GOLGA6C: variants seen among roughly 807,000 people sequenced by gnomAD.
GOLGA6C encodes the protein golgin subfamily A member 6C.
Under a neutral mutation model 57.5 loss-of-function variants are expected in GOLGA6C, and 3 were observed. That is an observed-to-expected ratio of 0.05 (90% CI 0.02 to 0.13). GOLGA6C has a LOEUF of 0.13. Among genes scored for constraint, GOLGA6C ranks in the 10% least tolerant of loss-of-function variants. GOLGA6C has a pLI of 1.00. For missense variants in GOLGA6C, 88 were observed against 525.6 expected, an observed-to-expected ratio of 0.17 and a Z score of 8.14; for synonymous variants, 32 against 203.8, an observed-to-expected ratio of 0.16 and a Z score of 7.18.
Position 75,270,253 on chromosome 15 carries a change from C to T in GOLGA6C, c.*54C>T, listed in dbSNP as rs1463523458. ...GCGTGCCATTCTTCTACCAGGCAGC[C>T]GAGAACAGGGAGATAAACATCATCA... On this transcript the variant is annotated 3_prime_UTR_variant, in exon 18 of 18. Transcript: ENST00000300576. The T allele has an allele frequency of 1.0e-5, 16 of 1,570,936 alleles. 1 individual carries two copies. The highest frequency in any genetic ancestry group is 5.8e-5 in the African/African-American group (4 of 68,480).
chr15:75,273,365 A>T lies in GOLGA6C; in HGVS notation c.*3166A>T, dbSNP rs538652845. Among the ~76,000 whole-genome samples, 4 of 152,126 alleles carry T rather than the reference A, an allele frequency of 2.6e-5. No homozygotes were observed. The highest frequency in any genetic ancestry group is 4.8e-5 in the African/African-American group (2 of 41,396). On this transcript the variant is annotated 3_prime_UTR_variant, in exon 18 of 18. Transcript: ENST00000300576. Reference sequence around the variant, plus strand: ...TCTTGTAAACAGAATGTATAATAGAAATACTGAAACACTGTTGCCTAAAGT... The same window carrying T: ...TCTTGTAAACAGAATGTATAATAGATATACTGAAACACTGTTGCCTAAAGT...
chr15:75,259,238 C>A (rs2070723864), intron 1 of GOLGA6C, among the ~76,000 whole-genome samples: 1 of 148,034 alleles, frequency 6.8e-6, no homozygotes, highest in South Asian at 2.1e-4. Context: ...TTTCCCCCAC[C>A]CCCAGGAGGA....
chr15:75,269,215 C>G (rs2415193), intron 14 of GOLGA6C, among the ~76,000 whole-genome samples: 1 of 144,208 alleles, frequency 6.9e-6, no homozygotes, highest in Non-Finnish European at 1.5e-5. Context: ...GCGGAAGGTG[C>G]GAAGGCTGTG....
In GOLGA6C at chr15:75,265,157, G is replaced by A. The variant is rs1365351948; in HGVS notation, c.600G>A (p.Arg200=). ...GCAGAGAAGCGGTCCTCCAGCGGCG[G>A]TTACAGCAGACCATAAAGGAGCGGG... ...SSCREAVLQR[R]LQQTIKERAL... The change falls in exon 8 of 18, where the codon CGG becomes CGA. Residue 200 remains arginine, a synonymous_variant. Coordinates refer to ENST00000300576, the MANE Select transcript of GOLGA6C (RefSeq NM_001164404.2). 2.5e-6 allele frequency: 4 copies of A among 1,600,358 alleles called. No homozygotes were observed. The East Asian group carries it at 9.0e-5, about 36-fold the overall frequency.
At position 75,272,996 on chromosome 15, in the gene GOLGA6C, T is replaced by C. The variant is rs1234672557; in HGVS notation, c.*2797T>C. 7.2e-5 allele frequency among the ~76,000 whole-genome samples: 11 copies of C among 152,026 alleles called. No individual in the cohort carries two copies. Among genetic ancestry groups the C allele is most frequent in the African/African-American group, 2.7e-4 (11 of 41,252 alleles). ...ATTTAAAGATTGCAATATATAATCA[T>C]TTTTAAAGTATTTGTTTAACCTGAT... On this transcript the variant is annotated 3_prime_UTR_variant, in exon 18 of 18. Transcript: ENST00000300576.
chr15:75,259,121 C>T lies in GOLGA6C; in HGVS notation c.84+439C>T, dbSNP rs1438076979. Reference sequence around the variant, plus strand: ...CTCTCCCCTCCTGCTGACCCAAGCCCGACCTCCCTGGGCTCTCTGGGCTGG... The same window carrying T: ...CTCTCCCCTCCTGCTGACCCAAGCCTGACCTCCCTGGGCTCTCTGGGCTGG... On this transcript the variant is annotated intron_variant, in intron 1 of 17. Transcript: ENST00000300576. 2.3e-4 allele frequency among the ~76,000 whole-genome samples: 35 copies of T among 152,034 alleles called. 2 individuals carry two copies. Among genetic ancestry groups the T allele is most frequent in the African/African-American group, 7.5e-4 (31 of 41,232 alleles).
Position 75,273,327 on chromosome 15 carries a change from C to A in GOLGA6C, c.*3128C>A, listed in dbSNP as rs1476194344. On this transcript the variant is annotated 3_prime_UTR_variant, in exon 18 of 18. Transcript: ENST00000300576. ...CCAAGTTTTCTTAGAATGACTTTTA[C>A]CAGTTTATGAATTCTTGTAAACAGA... Among the ~76,000 whole-genome samples, 1 of 151,840 alleles carries A rather than the reference C, an allele frequency of 6.6e-6. No individual in the cohort carries two copies. The highest frequency in any genetic ancestry group is 1.9e-4 in the East Asian group (1 of 5,192).
intron 1 of GOLGA6C, among the ~76,000 whole-genome samples, chr15:75,259,103 C>T (rs1350174157): frequency 3.3e-5 from 5 of 151,876 alleles, no homozygotes; most frequent in African/African-American, 1.2e-4. Flanking sequence ...CTGCTCTCCC[C>T]TCCTGCTGAC....
chr15:75,270,233 C>T lies in GOLGA6C; in HGVS notation c.*34C>T, dbSNP rs2070782980. The T allele has an allele frequency of 6.3e-7, 1 of 1,584,090 alleles. No homozygotes were observed. Among genetic ancestry groups the T allele is most frequent in the Non-Finnish European group, 8.6e-7 (1 of 1,169,444 alleles). On this transcript the variant is annotated 3_prime_UTR_variant, in exon 18 of 18. Transcript: ENST00000300576. ...AGGCTTGCCCAGCAAACCCTGCGTG[C>T]CATTCTTCTACCAGGCAGCCGAGAA...
chr15:75,272,593 T>A lies in GOLGA6C; in HGVS notation c.*2394T>A, dbSNP rs1595973100. ...TTAGCACCTGCAACCAATCTGACAA[T>A]AATGTGTTCATCAGGTACCTGTGGA... On this transcript the variant is annotated 3_prime_UTR_variant, in exon 18 of 18. Transcript: ENST00000300576. 6.6e-6 allele frequency among the ~76,000 whole-genome samples: 1 copy of A among 152,374 alleles called. No homozygotes were observed. The highest frequency in any genetic ancestry group is 1.9e-4 in the East Asian group (1 of 5,190).
rs1445472423 is a variant in GOLGA6C, at chr15:75,270,612, C to G, written c.*413C>G. On this transcript the variant is annotated 3_prime_UTR_variant, in exon 18 of 18. Coordinates refer to ENST00000300576, the MANE Select transcript of GOLGA6C (RefSeq NM_001164404.2). The stretch of plus-strand genomic sequence containing the variant: ...TTCTGGCTGGTTTGGAACAGGCTGC[C>G]ATGCTTTTTTAATGTTATTGCAGCA... Among the ~76,000 whole-genome samples the G allele has an allele frequency of 1.9e-5, 1 of 53,130 alleles. No homozygotes were observed. Among genetic ancestry groups the G allele is most frequent in the Non-Finnish European group, 3.5e-5 (1 of 28,700 alleles). The allele number at this position is 53,130 out of a possible 152,430, so 34.9% of individuals were successfully genotyped here. A position where few individuals can be genotyped will look rare whatever the true frequency, so the allele number is the denominator to read the frequency against.
chr15:75,270,072 A>AT lies in GOLGA6C; in HGVS notation c.1960dup (p.Tyr654LeufsTer2), dbSNP rs2070780459. ...GACCCCCGCCTCCCTCTCTCCGAAGATTTTTATGAAGTGAGCCTGGACAAC... is the reference window on the plus strand; with the variant it reads ...GACCCCCGCCTCCCTCTCTCCGAAGATTTTTTATGAAGTGAGCCTGGACAAC... On this transcript the variant is annotated frameshift_variant and splice_region_variant, in exon 18 of 18. Transcript: ENST00000300576. LOFTEE classifies it low-confidence loss of function (END_TRUNC). The AT allele has an allele frequency of 6.3e-7, 1 of 1,590,602 alleles. No homozygotes were observed. The highest frequency in any genetic ancestry group is 2.3e-5 in the East Asian group (1 of 44,070).
In GOLGA6C at chr15:75,270,342, T is replaced by C. The variant is rs1255830275; in HGVS notation, c.*143T>C. On this transcript the variant is annotated 3_prime_UTR_variant, in exon 18 of 18. Transcript: ENST00000300576. ...ACAAAAAGTTACGGGGTTCATCTCCTACACAATTCATTTACTCCATTTGAA... is the reference window on the plus strand; with the variant it reads ...ACAAAAAGTTACGGGGTTCATCTCCCACACAATTCATTTACTCCATTTGAA... 11 of 1,357,480 alleles carry C rather than the reference T, an allele frequency of 8.1e-6. No individual in the cohort carries two copies. Among genetic ancestry groups the C allele is most frequent in the African/African-American group, 1.6e-5 (1 of 62,196 alleles). The allele number at this position is 1,357,480 out of a possible 1,614,324, so 84.1% of individuals were successfully genotyped here.
intron 7 of GOLGA6C, among the ~76,000 whole-genome samples, chr15:75,264,439 G>GTGTGT (rs2070747629): frequency 8.5e-6 from 1 of 117,276 alleles, no homozygotes; most frequent in Non-Finnish European, 1.7e-5. Flanking sequence ...AGAGGAAAGG[G>GTGTGT]GTGTGTGTGT....
At chr15:75,269,106 C>G (rs1163260684) in intron 14 of GOLGA6C, among the ~76,000 whole-genome samples, 367 of 130,170 alleles carry the variant, frequency 2.8e-3, no homozygotes, top group Middle Eastern at 4.0e-3. Context: ...TTTGTTCTGT[C>G]TATGCCCCTA....
At position 75,270,147 on chromosome 15, in the gene GOLGA6C, A is replaced by C; in HGVS notation, c.2030A>C (p.Asn677Thr). 6.3e-7 allele frequency: 1 copy of C among 1,591,752 alleles called. No homozygotes were observed. Among genetic ancestry groups the C allele is most frequent in the African/African-American group, 1.4e-5 (1 of 69,632 alleles). ...GAAREGSPHD[N>T]PPVQQIVQLS... is the part of the protein sequence containing the mutation. ...GCCAGGGAGGGTTCTCCCCATGACA[A>C]CCCCCCGGTACAGCAGATCGTGCAG... Residue 677 changes from asparagine (N) to threonine (T), a missense_variant, in exon 18 of 18, where the codon AAC (asparagine) becomes ACC (threonine). Transcript: ENST00000300576.
At chr15:75,269,256 G>C (rs2415192) in intron 14 of GOLGA6C, among the ~76,000 whole-genome samples, 197 bp from the exon 15 acceptor site, 134 of 145,562 alleles carry the variant, frequency 9.2e-4, no homozygotes, top group African/African-American at 2.9e-3. Context: ...TGGTGGCCTT[G>C]GCCTGGAAGG....
rs1328612829 is a variant in GOLGA6C at position 75,272,923 on chromosome 15, C to T, written c.*2724C>T. ...AACATAGAATTTTAAAGTGTGGGTT[C>T]AACTGAATAAATTTGAATTTCTGTA... On this transcript the variant is annotated 3_prime_UTR_variant, in exon 18 of 18. Coordinates refer to ENST00000300576, the MANE Select transcript of GOLGA6C (RefSeq NM_001164404.2). 6.6e-6 allele frequency among the ~76,000 whole-genome samples: 1 copy of T among 151,926 alleles called. No individual in the cohort carries two copies. The highest frequency in any genetic ancestry group is 1.5e-5 in the Non-Finnish European group (1 of 68,050).
At chr15:75,269,100 T>C (rs1443179876) in intron 14 of GOLGA6C, among the ~76,000 whole-genome samples, 75 of 133,000 alleles carry the variant, frequency 5.6e-4, no homozygotes, top group African/African-American at 8.4e-4. Flanking sequence ...GCCTCATTTG[T>C]TCTGTCTATG....
Sources: allele counts gnomAD v4.1 joint callset (sites outside exome capture counted in the v4.1 genomes callset), GRCh38; gene constraint gnomAD v4.1.1; transcripts MANE v1.5; gene names NCBI Gene and HGNC (gene_info 2026-07-23, HGNC 2026-07-21).